The following SMOC1 variants were observed in gnomAD, a reference collection of about 807,000 sequenced individuals.
SMOC1 encodes SPARC related modular calcium binding 1, also known as SPARC-related modular calcium-binding protein 1.
In SMOC1, 22 loss-of-function variants were observed where a neutral mutation model predicts 56.3. The ratio of observed to expected loss-of-function variants is 0.39; its 90% CI spans 0.28 to 0.56. SMOC1 has a LOEUF of 0.56. Ranked by LOEUF, SMOC1 falls within the 20% of genes least tolerant of loss-of-function variation. The pLI, the probability that SMOC1 is intolerant of heterozygous loss-of-function variation, is 0.61. For missense variants in SMOC1, 509 were observed against 565.4 expected, an observed-to-expected ratio of 0.90 and a Z score of 1.01; for synonymous variants, 193 against 215.0, an observed-to-expected ratio of 0.90 and a Z score of 0.89.
intron 1 of SMOC1, among the ~76,000 whole-genome samples, chr14:69,902,747 C>T (rs1198684402): frequency 1.3e-5 from 2 of 152,234 alleles, no homozygotes; most frequent in African/African-American, 4.8e-5. Flanking sequence ...CTGCCGAGTG[C>T]CTGCGATTGC....
Position 69,964,809 on chromosome 14 carries a change from G to A in SMOC1, c.379-10906G>A, listed in dbSNP as rs553478948. Among the ~76,000 whole-genome samples the A allele has an allele frequency of 1.5e-3, 222 of 152,184 alleles. 1 individual carries two copies. Among genetic ancestry groups the A allele is most frequent in the Non-Finnish European group, 2.8e-3 (189 of 68,008 alleles). ...ACTGTTACATTCCCATTTTATTGAT[G>A]TGGAAACTGAACCACAGAGAAGCTG... On this transcript the variant is annotated intron_variant, in intron 3 of 11. Coordinates refer to ENST00000361956, the MANE Select transcript of SMOC1 (RefSeq NM_001034852.3).
At chr14:70,002,442 T>G (rs1011061293) in intron 7 of SMOC1, among the ~76,000 whole-genome samples, 10 of 152,238 alleles carry the variant, frequency 6.6e-5, no homozygotes, top group African/African-American at 2.4e-4. Flanking sequence ...GTTTGCTTTT[T>G]CCTTGCCCTG....
intron 7 of SMOC1, among the ~76,000 whole-genome samples, chr14:69,997,450 G>T (rs1197220474): frequency 1.3e-5 from 2 of 152,182 alleles, no homozygotes; most frequent in African/African-American, 4.8e-5. Context: ...CCTATAACCT[G>T]GTTTCCAATG....
chr14:69,894,932 A>G (rs1418284005), intron 1 of SMOC1, among the ~76,000 whole-genome samples: 1 of 152,194 alleles, frequency 6.6e-6, no homozygotes, highest in African/African-American at 2.4e-5. Flanking sequence ...AGATACCTAC[A>G]TTTTACAGAT....
chr14:69,880,712 C>T (rs902431837), intron 1 of SMOC1, among the ~76,000 whole-genome samples: 1 of 152,248 alleles, frequency 6.6e-6, no homozygotes, highest in African/African-American at 2.4e-5. Context: ...GCAATTGACT[C>T]TTAACTGGCA....
intron 3 of SMOC1, among the ~76,000 whole-genome samples, chr14:69,962,097 G>A (rs1883401914): frequency 6.6e-6 from 1 of 151,812 alleles, no homozygotes; most frequent in East Asian, 1.9e-4. Context: ...TCTTAATTCA[G>A]TTACTTATCT....
intron 1 of SMOC1, among the ~76,000 whole-genome samples, chr14:69,916,512 A>G (rs1884690983): frequency 6.6e-6 from 1 of 152,106 alleles, no homozygotes; most frequent in African/African-American, 2.4e-5. Flanking sequence ...GGCCCCATGT[A>G]ATTTTCTCCT....
intron 5 of SMOC1, among the ~76,000 whole-genome samples, chr14:69,984,175 C>T (rs762779625): frequency 6.6e-6 from 1 of 152,180 alleles, no homozygotes; most frequent in East Asian, 1.9e-4. Context: ...GATCCACAAA[C>T]AAATGGTGCT....
chr14:69,927,228 G>A (rs1885034994), intron 1 of SMOC1, among the ~76,000 whole-genome samples: 1 of 152,234 alleles, frequency 6.6e-6, no homozygotes, highest in Non-Finnish European at 1.5e-5. Context: ...CATGCAAGGA[G>A]GCTTCAAAAA....
chr14:69,957,800 C>A (rs2139454250), intron 3 of SMOC1, among the ~76,000 whole-genome samples: 1 of 152,304 alleles, frequency 6.6e-6, no homozygotes, highest in African/African-American at 2.4e-5. Context: ...TGGATTGCTT[C>A]AAAGCAAATC....
chr14:69,991,684 T>C (rs544391851), intron 5 of SMOC1, among the ~76,000 whole-genome samples: 1 of 152,330 alleles, frequency 6.6e-6, no homozygotes, highest in South Asian at 2.1e-4. Context: ...CAATCATCTA[T>C]GTTAGAAATT....
At chr14:70,027,878 C>A (rs1458875121) in intron 11 of SMOC1, among the ~76,000 whole-genome samples, 2 of 151,878 alleles carry the variant, frequency 1.3e-5, no homozygotes, top group Admixed American at 6.5e-5. Flanking sequence ...TTCAGAACTG[C>A]CCCCTCCATC....
chr14:69,887,097 G>C (rs1015032008), intron 1 of SMOC1, among the ~76,000 whole-genome samples: 2 of 152,160 alleles, frequency 1.3e-5, no homozygotes, highest in African/African-American at 4.8e-5. Flanking sequence ...TGGGAGGGCA[G>C]ATGAGTAAAC....
chr14:70,019,911 T>A (rs1473158947), intron 10 of SMOC1, among the ~76,000 whole-genome samples: 1 of 152,226 alleles, frequency 6.6e-6, no homozygotes. Context: ...GTACCTGCTG[T>A]CAACTTCATC....
chr14:69,966,555 C>T (rs1453708117), intron 3 of SMOC1, among the ~76,000 whole-genome samples: 1 of 152,272 alleles, frequency 6.6e-6, no homozygotes, highest in East Asian at 1.9e-4. Flanking sequence ...ACCTCAGAGA[C>T]ATCTGGTTTA....
chr14:70,004,913 C>T (rs1300660790), intron 7 of SMOC1, among the ~76,000 whole-genome samples: 4 of 152,204 alleles, frequency 2.6e-5, no homozygotes, highest in Non-Finnish European at 5.9e-5. Flanking sequence ...CCCCCTTTGA[C>T]CTCCACTTCC....
intron 1 of SMOC1, among the ~76,000 whole-genome samples, chr14:69,915,867 C>T (rs1594799696): frequency 6.6e-6 from 1 of 152,150 alleles, no homozygotes; most frequent in East Asian, 1.9e-4. Flanking sequence ...TCTCCTGGCT[C>T]CCCCTCATCT....
chr14:70,021,769 G>A (rs541216365), intron 10 of SMOC1, among the ~76,000 whole-genome samples: 6 of 152,326 alleles, frequency 3.9e-5, no homozygotes, highest in African/African-American at 1.2e-4. Context: ...ACTTGGTGGG[G>A]TGGAAGAGGA....
intron 1 of SMOC1, among the ~76,000 whole-genome samples, chr14:69,944,809 T>C (rs988964901): frequency 2.6e-5 from 4 of 152,232 alleles, no homozygotes; most frequent in African/African-American, 7.2e-5. Context: ...GCCAGGTTCA[T>C]TGGGAATGAA....
Sources: allele counts gnomAD v4.1 joint callset (sites outside exome capture counted in the v4.1 genomes callset), GRCh38; gene constraint gnomAD v4.1.1; transcripts MANE v1.5; gene names NCBI Gene and HGNC (gene_info 2026-07-23, HGNC 2026-07-21).